Variants in ARIH1 observed in about 807,000 individuals in gnomAD.
ARIH1 encodes E3 ubiquitin-protein ligase ARIH1.
A neutral mutation model predicts 85.0 loss-of-function variants in ARIH1; 8 were observed. The ratio of observed to expected loss-of-function variants is 0.09; its 90% CI spans 0.06 to 0.17. ARIH1 has a LOEUF of 0.17. Ranked by LOEUF, ARIH1 falls within the 10% of genes least tolerant of loss-of-function variation. ARIH1 has a pLI of 1.00. For missense variants in ARIH1, 311 were observed against 718.1 expected, an observed-to-expected ratio of 0.43 and a Z score of 6.48; for synonymous variants, 238 against 253.6, an observed-to-expected ratio of 0.94 and a Z score of 0.59.
In ARIH1 at chr15:72,595,896, C is replaced by G. The variant is rs1353195142; in HGVS notation, c.*12604C>G. On this transcript the variant is annotated 3_prime_UTR_variant, in exon 14 of 14. Transcript: ENST00000379887. ...CCAGGCTGTGGTGCAGTGGTGCAAT[C>G]TGCAACCTCCGCCTCCCAGGTTTAA... 2 of 147,088 alleles carry G rather than the reference C, an allele frequency of 1.4e-5. No homozygotes were observed. The highest frequency in any genetic ancestry group is 3.0e-5 in the Non-Finnish European group (2 of 67,172). 9.1% of individuals were successfully genotyped at this position (147,088 alleles called of 1,614,324 possible).
At position 72,544,893 on chromosome 15, in the gene ARIH1, C is replaced by T. The variant is rs148941976; in HGVS notation, c.517C>T (p.Arg173Cys). The change falls in exon 3 of 14, where the codon CGC becomes TGC. Residue 173 changes from arginine to cysteine, a missense_variant. Physicochemically the swap from Arg to Cys is radical, Grantham distance 180. Coordinates refer to ENST00000379887, the MANE Select transcript of ARIH1 (RefSeq NM_005744.5). ...TAATCCAAGTAAAAAGTCTCGAACA[C>T]GCCAGATGAATACAAGGTCATCAGC... ...VINPSKKSRT[R>C]QMNTRSSAQD... 1.4e-5 allele frequency: 23 copies of T among 1,613,596 alleles called. No individual in the cohort carries two copies. The highest frequency in any genetic ancestry group is 5.0e-5 in the Admixed American group (3 of 60,004).
chr15:72,534,372 G>A (rs2064071588), intron 2 of ARIH1, among the ~76,000 whole-genome samples: 1 of 151,806 alleles, frequency 6.6e-6, no homozygotes, highest in South Asian at 2.1e-4. Flanking sequence ...TTCTTGTCCT[G>A]GGTGGTATTT....
chr15:72,552,550 A>C (rs955065464), intron 3 of ARIH1, among the ~76,000 whole-genome samples: 1 of 152,170 alleles, frequency 6.6e-6, no homozygotes, highest in Non-Finnish European at 1.5e-5. Context: ...TTGGCCTCCC[A>C]AAGTGCTGGG....
chr15:72,557,684 C>T (rs184892501), intron 5 of ARIH1, among the ~76,000 whole-genome samples: 14 of 152,192 alleles, frequency 9.2e-5, no homozygotes, highest in Admixed American at 2.6e-4. Flanking sequence ...AGATTGAGCT[C>T]TTACATTAAA....
chr15:72,597,583 ATT>A lies in ARIH1; in HGVS notation c.*14293_*14294del, dbSNP rs1000643216. 1.3e-5 allele frequency: 2 copies of A among 152,062 alleles called. No individual in the cohort carries two copies. Among genetic ancestry groups the A allele is most frequent in the African/African-American group, 4.8e-5 (2 of 41,380 alleles). 9.4% of individuals were successfully genotyped at this position (152,062 alleles called of 1,614,324 possible). Reference sequence around the variant, plus strand: ...TAGGCTCCAAGAGTGCCTCTGTTGGATTTCACAACAATCCTGCCTCCCCTTTC... The same window carrying A: ...TAGGCTCCAAGAGTGCCTCTGTTGGATCACAACAATCCTGCCTCCCCTTTC... On this transcript the variant is annotated 3_prime_UTR_variant, in exon 14 of 14. Coordinates refer to ENST00000379887, the MANE Select transcript of ARIH1 (RefSeq NM_005744.5).
At chr15:72,536,311 G>T (rs2064081596) in intron 2 of ARIH1, among the ~76,000 whole-genome samples, 1 of 152,116 alleles carries the variant, frequency 6.6e-6, no homozygotes, top group Non-Finnish European at 1.5e-5. Flanking sequence ...TGTTCAGGCT[G>T]GTTCCGAACT....
At chr15:72,486,255 G>GA (rs1005607203) in intron 1 of ARIH1, among the ~76,000 whole-genome samples, 2 of 152,000 alleles carry the variant, frequency 1.3e-5, no homozygotes, top group Non-Finnish European at 1.5e-5. Context: ...GAAAATTTCA[G>GA]AAAAAAACAA....
chr15:72,505,084 C>T lies in ARIH1; in HGVS notation c.376-12983C>T, dbSNP rs188782444. On this transcript the variant is annotated intron_variant, in intron 1 of 13. Coordinates refer to ENST00000379887, the MANE Select transcript of ARIH1 (RefSeq NM_005744.5). ...CTCTCAAGAGCATTACTTCCTGTAG[C>T]TTATATCAGTGCTCCTCAAACTTTA... Among the ~76,000 whole-genome samples, 1,005 of 152,296 alleles carry T rather than the reference C, an allele frequency of 6.6e-3. 11 individuals are homozygous for T. The highest frequency in any genetic ancestry group is 7.1e-3 in the Non-Finnish European group (486 of 68,036).
chr15:72,492,348 G>C (rs1273260974), intron 1 of ARIH1, among the ~76,000 whole-genome samples: 2 of 152,190 alleles, frequency 1.3e-5, no homozygotes, highest in Non-Finnish European at 2.9e-5. Flanking sequence ...CCGTGAAACT[G>C]TTATGGAGGC....
chr15:72,568,038 T>C lies in ARIH1; in HGVS notation c.1026+861T>C, dbSNP rs181136732. 8.1e-4 allele frequency among the ~76,000 whole-genome samples: 123 copies of C among 152,364 alleles called. No homozygotes were observed. In the East Asian group the frequency reaches 0.022, roughly 28 times the overall value. ...TAAATATACATCTTACATACTTATA[T>C]ATAAAACATGAATTTATATTTCTGT... On this transcript the variant is annotated intron_variant, in intron 9 of 13. Transcript: ENST00000379887.
intron 3 of ARIH1, among the ~76,000 whole-genome samples, chr15:72,549,232 C>T (rs1276273184): frequency 6.6e-6 from 1 of 151,698 alleles, no homozygotes; most frequent in Non-Finnish European, 1.5e-5. Flanking sequence ...GGATTACAGC[C>T]GCCCACCACC....
At chr15:72,560,280 TGC>T (rs1355755407) in intron 5 of ARIH1, among the ~76,000 whole-genome samples, 4 of 152,190 alleles carry the variant, frequency 2.6e-5, no homozygotes, top group Admixed American at 2.0e-4. Flanking sequence ...ATGTTTAAGG[TGC>T]CATGAGAACT....
chr15:72,588,452 A>G lies in ARIH1; in HGVS notation c.*5160A>G, dbSNP rs1178253601. 1.3e-5 allele frequency: 2 copies of G among 152,222 alleles called. No homozygotes were observed. Among genetic ancestry groups the G allele is most frequent in the African/African-American group, 4.8e-5 (2 of 41,464 alleles). 9.4% of individuals were successfully genotyped at this position (152,222 alleles called of 1,614,324 possible). On this transcript the variant is annotated 3_prime_UTR_variant, in exon 14 of 14. Transcript: ENST00000379887. ...GATTTAATTGCTTTGGGTAGGCATC[A>G]GTAATTTTTGTAAAGCCCTTTACGC...
rs1170908082 is a variant in ARIH1 at position 72,582,563 on chromosome 15, T to C, written c.1589+376T>C. On this transcript the variant is annotated intron_variant, in intron 13 of 13. Transcript: ENST00000379887. The surrounding 1 kb of genome is among the most constrained non-coding windows in gnomAD (Gnocchi z 4.6). ...TATTCACAAATGAGCTATGGAAACT[T>C]ACTTTTTAGAGTTTTTATTACATAT... Among the ~76,000 whole-genome samples the C allele has an allele frequency of 6.6e-6, 1 of 151,912 alleles. No individual in the cohort carries two copies. The highest frequency in any genetic ancestry group is 1.5e-5 in the Non-Finnish European group (1 of 67,988).
chr15:72,570,434 A>G, intron 10 of ARIH1, 127 bp downstream of exon 10: 1 of 1,197,914 alleles, frequency 8.3e-7, no homozygotes, highest in Non-Finnish European at 1.2e-6. Context: ...GTGTGTGATT[A>G]ATGTTATAAG....
chr15:72,558,505 T>C (rs1031395673), intron 5 of ARIH1, among the ~76,000 whole-genome samples: 2 of 152,230 alleles, frequency 1.3e-5, no homozygotes, highest in African/African-American at 4.8e-5. Flanking sequence ...TTTCGTCATG[T>C]TGGCCAGGCT....
intron 5 of ARIH1, 125 bp from the exon 6 acceptor site, chr15:72,561,358 A>G: frequency 1.5e-6 from 1 of 667,120 alleles, no homozygotes; most frequent in Non-Finnish European, 2.6e-6. Flanking sequence ...TGTGCATTTC[A>G]GTATTTACAG....
chr15:72,484,171 C>CAAAAAAAAAAA (rs35300595), intron 1 of ARIH1, among the ~76,000 whole-genome samples: 1 of 117,672 alleles, frequency 8.5e-6, no homozygotes, highest in Non-Finnish European at 1.7e-5. Context: ...GAAACTCCAT[C>CAAAAAAAAAAA]AAAAAAAAAA....
In ARIH1 at chr15:72,555,857, T is replaced by C. The variant is rs2064172524; in HGVS notation, c.687T>C (p.Ile229=). 6.2e-7 allele frequency: 1 copy of C among 1,612,730 alleles called. No individual in the cohort carries two copies. ...TAAATTTCAATCTTTTTCAGACTAT[T>C]TCGTGTCCTGCTCATGGTTGTGATA... ...KIMEEGMGQT[I]SCPAHGCDIL... The change falls in exon 5 of 14, where the codon ATT becomes ATC. Residue 229 remains isoleucine (I), a synonymous_variant. Coordinates refer to ENST00000379887, the MANE Select transcript of ARIH1 (RefSeq NM_005744.5).
Sources: allele counts gnomAD v4.1 joint callset (sites outside exome capture counted in the v4.1 genomes callset), GRCh38; gene constraint gnomAD v4.1.1; non-coding constraint Gnocchi (gnomAD v3.1); transcripts MANE v1.5; gene names NCBI Gene and HGNC (gene_info 2026-07-23, HGNC 2026-07-21).